The following GRIK2 variants were observed in gnomAD, a reference collection of about 807,000 sequenced individuals.
The protein encoded by GRIK2 is glutamate ionotropic receptor kainate type subunit 2, also known as glutamate receptor ionotropic, kainate 2.
In GRIK2, 32 loss-of-function variants were observed where a neutral mutation model predicts 100.3. The ratio of observed to expected loss-of-function variants is 0.32; its 90% CI spans 0.24 to 0.43. The LOEUF (loss-of-function observed/expected upper bound fraction) is 0.43. Ranked by LOEUF, GRIK2 falls within the 20% of genes least tolerant of loss-of-function variation. GRIK2 has a pLI of 1.00. For synonymous variants in GRIK2, 417 were observed against 389.4 expected (o/e 1.07, Z -0.83); for missense variants, 843 against 1,114.9 (o/e 0.76, Z 3.47).
At position 101,593,646 on chromosome 6, in the gene GRIK2, G is replaced by T. The variant is rs145922449; in HGVS notation, c.116-28303G>T. The stretch of plus-strand genomic sequence containing the variant: ...CAACAGATTTTAGTAGGATGTGTGG[G>T]AGCTCATATTTGAGGCAATACAAAC... On this transcript the variant is annotated intron_variant, in intron 2 of 16. Transcript: ENST00000369134. Among the ~76,000 whole-genome samples the T allele has an allele frequency of 5.6e-3, 844 of 151,912 alleles. 5 individuals are homozygous for T. The highest frequency in any genetic ancestry group is 0.019 in the African/African-American group (792 of 41,520).
chr6:101,903,055 G>T (rs1426127070), intron 12 of GRIK2, among the ~76,000 whole-genome samples: 2 of 151,780 alleles, frequency 1.3e-5, no homozygotes, highest in Non-Finnish European at 2.9e-5. Context: ...CCATTGAAAG[G>T]CCAGGCATTT....
intron 9 of GRIK2, among the ~76,000 whole-genome samples, chr6:101,812,254 A>G (rs1478504383): frequency 1.3e-5 from 2 of 151,714 alleles, no homozygotes; most frequent in Non-Finnish European, 3.0e-5. Flanking sequence ...AAAGTCAACC[A>G]AAAAAGTCTG....
At chr6:101,862,320 A>C (rs1784777364) in intron 11 of GRIK2, among the ~76,000 whole-genome samples, 1 of 152,172 alleles carries the variant, frequency 6.6e-6, no homozygotes. Flanking sequence ...TTTTGGGGTG[A>C]AATATTTTGA....
At chr6:101,437,754 C>T (rs746195523) in intron 2 of GRIK2, among the ~76,000 whole-genome samples, 4 of 152,106 alleles carry the variant, frequency 2.6e-5, no homozygotes, top group Admixed American at 6.6e-5. Context: ...TTCAGATCCT[C>T]GCCCGTAAAA....
At chr6:101,417,316 G>A (rs531186608) in intron 2 of GRIK2, among the ~76,000 whole-genome samples, 1 of 152,266 alleles carries the variant, frequency 6.6e-6, no homozygotes, top group East Asian at 1.9e-4. Flanking sequence ...TGGGGACACA[G>A]CCAAACCATA....
At chr6:101,968,827 A>G (rs1368995385) in intron 14 of GRIK2, among the ~76,000 whole-genome samples, 1 of 151,990 alleles carries the variant, frequency 6.6e-6, no homozygotes, top group Non-Finnish European at 1.5e-5. Flanking sequence ...AGACTTCTAA[A>G]ATGAGGATAC....
intron 14 of GRIK2, among the ~76,000 whole-genome samples, chr6:102,014,921 G>T (rs1381953246): frequency 1.3e-5 from 2 of 152,116 alleles, no homozygotes. Flanking sequence ...TTGTTTTGGG[G>T]TGGAGAGTTC....
intron 2 of GRIK2, among the ~76,000 whole-genome samples, chr6:101,554,094 T>C (rs1048134510): frequency 7.9e-5 from 12 of 152,152 alleles, no homozygotes; most frequent in African/African-American, 2.9e-4. Flanking sequence ...TATATCTATG[T>C]AAACGTAGAG....
At chr6:101,946,559 C>G (rs1791290994) in intron 14 of GRIK2, among the ~76,000 whole-genome samples, 1 of 151,932 alleles carries the variant, frequency 6.6e-6, no homozygotes, top group African/African-American at 2.4e-5. Context: ...TTTTAATTAG[C>G]TATTATGAAT....
intron 2 of GRIK2, among the ~76,000 whole-genome samples, chr6:101,578,115 T>C (rs539196377): frequency 1.3e-5 from 2 of 152,284 alleles, no homozygotes; most frequent in South Asian, 2.1e-4. Flanking sequence ...TAGAAGCCAT[T>C]GGCTATATTT....
chr6:101,973,383 C>T (rs1245733287), intron 14 of GRIK2, among the ~76,000 whole-genome samples: 10 of 151,654 alleles, frequency 6.6e-5, no homozygotes, highest in South Asian at 2.1e-4. Context: ...TGTAAGTATG[C>T]GTAATAAACA....
chr6:101,783,343 G>A (rs1779220237), intron 7 of GRIK2, among the ~76,000 whole-genome samples: 1 of 151,950 alleles, frequency 6.6e-6, no homozygotes. Flanking sequence ...TTGCCACCAT[G>A]TAAGACATAT....
At chr6:101,844,145 G>C (rs1011651715) in intron 10 of GRIK2, among the ~76,000 whole-genome samples, 1 of 152,124 alleles carries the variant, frequency 6.6e-6, no homozygotes, top group Non-Finnish European at 1.5e-5. Flanking sequence ...ATTTGAAAGT[G>C]TAAAGAGAAA....
intron 11 of GRIK2, among the ~76,000 whole-genome samples, chr6:101,887,870 C>A (rs991439876): frequency 6.6e-6 from 1 of 152,092 alleles, no homozygotes; most frequent in Non-Finnish European, 1.5e-5. Context: ...CCAAGCCCGA[C>A]CTTCAACACG....
intron 2 of GRIK2, among the ~76,000 whole-genome samples, chr6:101,477,090 A>G (rs11751378): frequency 0.15 from 22,400 of 152,176 alleles, 1,677 homozygotes; most frequent in African/African-American, 0.16. Flanking sequence ...ATGTTTTTAT[A>G]TATTTAAGAA....
intron 7 of GRIK2, among the ~76,000 whole-genome samples, chr6:101,717,204 G>A (rs1325283295): frequency 6.6e-6 from 1 of 151,676 alleles, no homozygotes; most frequent in East Asian, 1.9e-4. Flanking sequence ...TCAAGAGTAG[G>A]AGCAAACAAT....
At chr6:101,581,124 T>C (rs1203074981) in intron 2 of GRIK2, among the ~76,000 whole-genome samples, 3 of 151,754 alleles carry the variant, frequency 2.0e-5, no homozygotes, top group African/African-American at 7.3e-5. Context: ...TAGGCATGTG[T>C]TACGTTTCTC....
At chr6:101,931,989 TC>T (rs1790318409) in intron 14 of GRIK2, among the ~76,000 whole-genome samples, 1 of 152,022 alleles carries the variant, frequency 6.6e-6, no homozygotes, top group Admixed American at 6.6e-5. Flanking sequence ...CATTCTTTTC[TC>T]CCTGAAGTAT....
At chr6:101,434,687 G>C (rs527893028) in intron 2 of GRIK2, among the ~76,000 whole-genome samples, 1 of 151,912 alleles carries the variant, frequency 6.6e-6, no homozygotes, top group African/African-American at 2.4e-5. Flanking sequence ...TACACATTAG[G>C]GGGATTTTCC....
Sources: gnomAD v4.1 joint callset for allele counts (sites outside exome capture counted in the v4.1 genomes callset) on GRCh38, gnomAD v4.1.1 for gene constraint, MANE v1.5 for transcripts, NCBI Gene and HGNC (gene_info 2026-07-23, HGNC 2026-07-21) for gene names.